Variants in CACNA2D1 observed in about 807,000 individuals in gnomAD.
The protein encoded by CACNA2D1 is voltage-dependent calcium channel subunit alpha-2/delta-1.
CACNA2D1 carries 53 observed loss-of-function variants against 171.5 expected under a neutral mutation model. The observed-to-expected ratio is 0.31, with a 90% CI of 0.25 to 0.39. The LOEUF (loss-of-function observed/expected upper bound fraction) is 0.39. CACNA2D1 is among the 10% of genes least tolerant of loss of function. CACNA2D1 has a pLI of 1.00. For synonymous variants in CACNA2D1, 442 were observed against 443.1 expected (o/e 1.00, Z 0.03); for missense variants, 903 against 1,299.8 (o/e 0.69, Z 4.69).
intron 2 of CACNA2D1, among the ~76,000 whole-genome samples, chr7:82,345,601 C>G (rs2129445398): frequency 6.6e-6 from 1 of 151,520 alleles, no homozygotes; most frequent in East Asian, 1.9e-4. Context: ...AATATTAAGA[C>G]TATTTAATTT....
At chr7:82,179,518 G>T (rs1358147298) in intron 3 of CACNA2D1, among the ~76,000 whole-genome samples, 3 of 152,002 alleles carry the variant, frequency 2.0e-5, no homozygotes, top group African/African-American at 7.2e-5. Flanking sequence ...AATTCCAAAG[G>T]CCTTCAATCA....
intron 3 of CACNA2D1, among the ~76,000 whole-genome samples, chr7:82,245,294 T>C (rs1804772761): frequency 6.6e-6 from 1 of 152,172 alleles, no homozygotes; most frequent in Non-Finnish European, 1.5e-5. Context: ...GAGGCAAAAG[T>C]CTCTGAATCC....
Position 81,964,221 on chromosome 7 carries a change from G to A in CACNA2D1, c.2713C>T (p.Arg905Cys), listed in dbSNP as rs1235710029. 3.7e-6 allele frequency: 6 copies of A among 1,612,630 alleles called. No homozygotes were observed. Among genetic ancestry groups the A allele is most frequent in the East Asian group, 2.2e-5 (1 of 44,838 alleles). ...ATATTACTGACCACATATGCTGAGC[G>A]ATGTCCTGCTCCTTGTTTTGGTGCA... Reference protein sequence around the residue: ...GAAPKQGAGHRSAYVPSVADI... With the variant: ...GAAPKQGAGHCSAYVPSVADI... Residue 905 changes from arginine to cysteine, a missense_variant, in exon 33 of 39, where the codon CGC becomes TGC. Physicochemically the swap from Arg to Cys is radical, Grantham distance 180. Coordinates refer to ENST00000356860, the MANE Select transcript of CACNA2D1 (RefSeq NM_000722.4).
At chr7:82,340,335 T>A (rs1483494313) in intron 2 of CACNA2D1, among the ~76,000 whole-genome samples, 1 of 149,598 alleles carries the variant, frequency 6.7e-6, no homozygotes, top group South Asian at 2.1e-4. Flanking sequence ...GCTAAGTTTG[T>A]TTTTTGTTTT....
chr7:82,226,409 A>G (rs1802368474), intron 3 of CACNA2D1, among the ~76,000 whole-genome samples: 1 of 152,222 alleles, frequency 6.6e-6, no homozygotes, highest in Non-Finnish European at 1.5e-5. Flanking sequence ...ATTATGACAT[A>G]GACTTCCTTC....
intron 3 of CACNA2D1, among the ~76,000 whole-genome samples, chr7:82,226,178 A>C (rs1009118957): frequency 6.6e-6 from 1 of 152,218 alleles, no homozygotes; most frequent in African/African-American, 2.4e-5. Context: ...AGTAACTGTC[A>C]TAAACCAAAG....
chr7:82,230,493 T>C (rs1802815330), intron 3 of CACNA2D1, among the ~76,000 whole-genome samples: 1 of 152,222 alleles, frequency 6.6e-6, no homozygotes, highest in Non-Finnish European at 1.5e-5. Flanking sequence ...TGGAAATGTA[T>C]CTAAGACTGC....
At chr7:82,243,573 C>T (rs1012720182) in intron 3 of CACNA2D1, among the ~76,000 whole-genome samples, 7 of 152,026 alleles carry the variant, frequency 4.6e-5, no homozygotes, top group Non-Finnish European at 8.8e-5. Flanking sequence ...GACAAGCAAA[C>T]GTGTTTTTGT....
intron 1 of CACNA2D1, among the ~76,000 whole-genome samples, chr7:82,358,038 T>C (rs1175652890): frequency 6.6e-6 from 1 of 152,142 alleles, no homozygotes; most frequent in African/African-American, 2.4e-5. Context: ...TTATGCCCTG[T>C]GGAGCTGGGG....
chr7:82,340,069 A>T (rs1818437340), intron 2 of CACNA2D1, among the ~76,000 whole-genome samples: 1 of 152,224 alleles, frequency 6.6e-6, no homozygotes, highest in South Asian at 2.1e-4. Context: ...AATGAGCCAC[A>T]GAAAGGACTT....
intron 1 of CACNA2D1, among the ~76,000 whole-genome samples, chr7:82,390,999 T>A (rs966158919): frequency 1.2e-4 from 19 of 152,146 alleles, no homozygotes; most frequent in African/African-American, 4.3e-4. Flanking sequence ...GGTTTTTTCC[T>A]CCTTCTAAGG....
At chr7:81,978,066 T>A (rs1336622868) in intron 24 of CACNA2D1, among the ~76,000 whole-genome samples, 1 of 152,106 alleles carries the variant, frequency 6.6e-6, no homozygotes, top group African/African-American at 2.4e-5. Flanking sequence ...AGAATGGCGA[T>A]CATTGAAAAG....
At chr7:82,136,770 T>G in intron 4 of CACNA2D1, 94 bp from the exon 5 acceptor site, 1 of 845,524 alleles carries the variant, frequency 1.2e-6, no homozygotes, top group South Asian at 1.6e-5. Context: ...AATAAACTCC[T>G]TGTCATCTTT....
chr7:82,161,379 A>G (rs1794930619), intron 4 of CACNA2D1, among the ~76,000 whole-genome samples: 1 of 152,072 alleles, frequency 6.6e-6, no homozygotes. Context: ...AATTTTGTGG[A>G]TACCAAAGAA....
chr7:81,967,086 C>G, intron 31 of CACNA2D1, 83 bp downstream of exon 31: 1 of 945,096 alleles, frequency 1.1e-6, no homozygotes. Context: ...AAAATTCCTG[C>G]ATATTTTTTC....
At position 82,034,704 on chromosome 7, in the gene CACNA2D1, T is replaced by C. The variant is rs17155754; in HGVS notation, c.1039-1803A>G. ...AAAATAATATGTACCTAAAGAACTA[T>C]CCTGTAAAAATGTTAAACAAAACCA... On this transcript the variant is annotated intron_variant, in intron 11 of 38. Coordinates refer to ENST00000356860, the MANE Select transcript of CACNA2D1 (RefSeq NM_000722.4). Among the ~76,000 whole-genome samples the C allele has an allele frequency of 9.0e-3, 1,374 of 152,110 alleles. 28 individuals are homozygous for C. The highest frequency in any genetic ancestry group is 0.031 in the African/African-American group (1,295 of 41,528).
chr7:82,360,987 AG>A (rs1229332733), intron 1 of CACNA2D1, among the ~76,000 whole-genome samples: 1 of 152,234 alleles, frequency 6.6e-6, no homozygotes, highest in Non-Finnish European at 1.5e-5. Context: ...TTTAACATTA[AG>A]TAAATGATTC....
chr7:82,110,652 G>A (rs1788270547), intron 6 of CACNA2D1, among the ~76,000 whole-genome samples: 1 of 152,108 alleles, frequency 6.6e-6, no homozygotes, highest in Non-Finnish European at 1.5e-5. Flanking sequence ...TCTCCCTGCT[G>A]ATTATGAGCC....
intron 7 of CACNA2D1, among the ~76,000 whole-genome samples, chr7:82,079,106 C>A (rs1809364980): frequency 6.6e-6 from 1 of 152,166 alleles, no homozygotes; most frequent in Non-Finnish European, 1.5e-5. Context: ...ATTACGCTAG[C>A]TCTAGAGATC....
Sources: allele counts gnomAD v4.1 joint callset (sites outside exome capture counted in the v4.1 genomes callset), GRCh38; gene constraint gnomAD v4.1.1; transcripts MANE v1.5; gene names NCBI Gene and HGNC (gene_info 2026-07-23, HGNC 2026-07-21).